Variants in DOCK10 observed in about 807,000 individuals in gnomAD.
DOCK10 encodes dedicator of cytokinesis protein 10.
DOCK10 carries 145 observed loss-of-function variants against 280.1 expected under a neutral mutation model. The ratio of observed to expected loss-of-function variants is 0.52; its 90% CI spans 0.45 to 0.59. The LOEUF is 0.59. Among genes scored for constraint, DOCK10 ranks in the 20% least tolerant of loss-of-function variants. The pLI is 0.00. For synonymous variants in DOCK10, 915 were observed against 942.2 expected (o/e 0.97, Z 0.53); for missense variants, 2,368 against 2,651.7 (o/e 0.89, Z 2.35).
In DOCK10 at chr2:224,919,410, G is replaced by A. The variant is rs545427766; in HGVS notation, c.244-2626C>T. On this transcript the variant is annotated intron_variant, in intron 2 of 55. Transcript: ENST00000258390. Reference sequence around the variant, plus strand: ...TGTGGTGTGTGTGGTATATGAATGTGTGTAGAGTGTGTCTGCATGTGTAGG... The same window carrying A: ...TGTGGTGTGTGTGGTATATGAATGTATGTAGAGTGTGTCTGCATGTGTAGG... Among the ~76,000 whole-genome samples, 60 of 151,062 alleles carry A rather than the reference G, an allele frequency of 4.0e-4. 1 individual carries two copies. The East Asian group carries it at 0.011, about 29-fold the overall frequency.
intron 1 of DOCK10, among the ~76,000 whole-genome samples, chr2:224,980,562 AT>A (rs1705693893): frequency 6.6e-6 from 1 of 152,196 alleles, no homozygotes; most frequent in African/African-American, 2.4e-5. Context: ...GAGTGTGTGA[AT>A]TTTGGAGTGG....
At chr2:225,011,922 A>G (rs537038097) in intron 1 of DOCK10, among the ~76,000 whole-genome samples, 2 of 152,340 alleles carry the variant, frequency 1.3e-5, no homozygotes, top group East Asian at 3.9e-4. Context: ...CTCAATGCAC[A>G]TACGCAACTG....
In DOCK10 at chr2:224,863,601, C is replaced by T. The variant is rs374681897; in HGVS notation, c.1603-855G>A. 5.2e-4 allele frequency among the ~76,000 whole-genome samples: 79 copies of T among 152,112 alleles called. No individual in the cohort carries two copies. The East Asian group carries it at 5.4e-3, about 10-fold the overall frequency. ...CCGAGTAGCTGGGACTACAGGCGCC[C>T]GCCACCACGCCTGGCTAATTTTTTG... On this transcript the variant is annotated intron_variant, in intron 13 of 55. Coordinates refer to ENST00000258390, the MANE Select transcript of DOCK10 (RefSeq NM_014689.3).
At chr2:224,873,888 A>C in intron 11 of DOCK10, 108 bp downstream of exon 11, 38 of 1,147,762 alleles carry the variant, frequency 3.3e-5, no homozygotes, top group Non-Finnish European at 4.3e-5. Context: ...CTGGTACACT[A>C]GAGAGTGAGA....
chr2:224,973,052 T>C (rs553392219), intron 1 of DOCK10, among the ~76,000 whole-genome samples: 1 of 152,372 alleles, frequency 6.6e-6, no homozygotes, highest in Admixed American at 6.5e-5. Context: ...AGATTCTTTT[T>C]TCTATAACAA....
chr2:224,790,039 C>T (rs1692057079), intron 47 of DOCK10, among the ~76,000 whole-genome samples: 2 of 152,208 alleles, frequency 1.3e-5, no homozygotes, highest in African/African-American at 4.8e-5. Context: ...CCTCAGCCTC[C>T]TGAAGTGTTG....
chr2:224,830,580 T>C lies in DOCK10; in HGVS notation c.2997A>G (p.Lys999=), dbSNP rs1459340701. 2.3e-5 allele frequency: 36 copies of C among 1,538,076 alleles called. No individual in the cohort carries two copies. Among genetic ancestry groups the C allele is most frequent in the Non-Finnish European group, 3.1e-5 (35 of 1,134,976 alleles). Reference sequence around the variant, plus strand: ...TGTCAATCAAGTGCTGTGCCATCGATTTTAGGATAATTGCAAAGAAGAACC... The same window carrying C: ...TGTCAATCAAGTGCTGTGCCATCGACTTTAGGATAATTGCAAAGAAGAACC... ...HSWFFFAIIL[K]SMAQHLIDTN... is the part of the protein sequence containing the mutation. The change falls in exon 27 of 56, where the codon AAA becomes AAG. Residue 999 remains lysine, a synonymous_variant. Transcript: ENST00000258390.
chr2:224,997,352 C>T (rs1028916983), intron 1 of DOCK10, among the ~76,000 whole-genome samples: 4 of 152,098 alleles, frequency 2.6e-5, no homozygotes, highest in Admixed American at 2.0e-4. Context: ...CTGCCTCAGC[C>T]TCCCGAGTAG....
chr2:224,897,884 G>T (rs1700075664), intron 3 of DOCK10, among the ~76,000 whole-genome samples: 1 of 152,114 alleles, frequency 6.6e-6, no homozygotes, highest in Non-Finnish European at 1.5e-5. Flanking sequence ...TCTGTAATGG[G>T]ATTTCACCTG....
At chr2:224,939,884 G>GCTACT (rs1702920178) in intron 1 of DOCK10, among the ~76,000 whole-genome samples, 2 of 152,030 alleles carry the variant, frequency 1.3e-5, no homozygotes, top group Non-Finnish European at 2.9e-5. Context: ...TCCTACCTGT[G>GCTACT]GCTACTTGAA....
chr2:224,846,496 C>T (rs1696362005), intron 19 of DOCK10, among the ~76,000 whole-genome samples: 1 of 144,980 alleles, frequency 6.9e-6, no homozygotes, highest in African/African-American at 2.6e-5. Context: ...GCCTTGACCT[C>T]TGGCTTTTTT....
intron 1 of DOCK10, among the ~76,000 whole-genome samples, chr2:224,947,611 T>C (rs951384369): frequency 2.5e-4 from 38 of 152,196 alleles, no homozygotes; most frequent in Non-Finnish European, 5.0e-4. Flanking sequence ...TGTCAAATAG[T>C]TACAAAGAGC....
intron 50 of DOCK10, among the ~76,000 whole-genome samples, chr2:224,779,619 A>G (rs1013585494): frequency 1.3e-5 from 2 of 152,174 alleles, no homozygotes; most frequent in Non-Finnish European, 2.9e-5. Flanking sequence ...GACTATTTAA[A>G]AATATTAATT....
At chr2:224,776,152 C>G (rs1156889002) in intron 51 of DOCK10, among the ~76,000 whole-genome samples, 7 of 152,066 alleles carry the variant, frequency 4.6e-5, no homozygotes. Context: ...CTCAGCTTTT[C>G]TAATGAAACC....
chr2:224,781,365 A>G (rs1056007745), intron 50 of DOCK10, among the ~76,000 whole-genome samples: 2 of 152,216 alleles, frequency 1.3e-5, no homozygotes, highest in Non-Finnish European at 2.9e-5. Context: ...GAGGAGCAGA[A>G]TAAACCATTT....
At chr2:224,848,452 A>G (rs1574932110) in intron 19 of DOCK10, among the ~76,000 whole-genome samples, 4 of 152,302 alleles carry the variant, frequency 2.6e-5, no homozygotes, top group East Asian at 3.9e-4. Flanking sequence ...CATGAGCCCA[A>G]TGACTTTCTA....
Position 224,901,946 on chromosome 2 carries a change from T to C in DOCK10, c.334-5569A>G, listed in dbSNP as rs139942068. Among the ~76,000 whole-genome samples, 312 of 152,344 alleles carry C rather than the reference T, an allele frequency of 2.0e-3. 1 individual carries two copies. The highest frequency in any genetic ancestry group is 6.6e-3 in the African/African-American group (276 of 41,582). On this transcript the variant is annotated intron_variant, in intron 3 of 55. Coordinates refer to ENST00000258390, the MANE Select transcript of DOCK10 (RefSeq NM_014689.3). ...CAACTCCAGTATGAGGTTTTATTTA[T>C]AGTGGACGTTCAATATTTATTTGTT...
At chr2:224,892,423 G>GAAAA (rs1699742832) in intron 4 of DOCK10, among the ~76,000 whole-genome samples, 11 of 61,166 alleles carry the variant, frequency 1.8e-4, no homozygotes, top group South Asian at 9.1e-4. Flanking sequence ...AAAAAAAAAA[G>GAAAA]AAAGAAAGAA....
intron 1 of DOCK10, among the ~76,000 whole-genome samples, chr2:224,932,379 A>T (rs886285686): frequency 6.6e-6 from 1 of 152,196 alleles, no homozygotes; most frequent in Non-Finnish European, 1.5e-5. Context: ...ATAAAAATAA[A>T]ATAGAGGGAG....
Sources: gnomAD v4.1 joint callset for allele counts (sites outside exome capture counted in the v4.1 genomes callset) on GRCh38, gnomAD v4.1.1 for gene constraint, MANE v1.5 for transcripts, NCBI Gene and HGNC (gene_info 2026-07-23, HGNC 2026-07-21) for gene names.